The following WWOX variants were observed in gnomAD, a reference collection of about 807,000 sequenced individuals.
WWOX encodes the protein WW domain containing oxidoreductase.
In WWOX, 69 loss-of-function variants were observed where a neutral mutation model predicts 46.2. The ratio of observed to expected loss-of-function variants is 1.49; its 90% CI spans 1.23 to 1.82. The LOEUF (loss-of-function observed/expected upper bound fraction) is 1.82. Ranked by LOEUF, WWOX falls within the 40% of genes most tolerant of loss-of-function variation. The pLI is 0.00. For synonymous variants in WWOX, 359 were observed against 202.6 expected (o/e 1.77, Z -6.56); for missense variants, 919 against 542.6 (o/e 1.69, Z -6.89).
At chr16:79,063,540 C>T (rs2048390899) in intron 8 of WWOX, among the ~76,000 whole-genome samples, 1 of 152,178 alleles carries the variant, frequency 6.6e-6, no homozygotes. Flanking sequence ...GGGCCCCTTT[C>T]AGGGATATCT....
At chr16:78,304,494 A>G (rs1355365911) in intron 5 of WWOX, among the ~76,000 whole-genome samples, 1 of 152,228 alleles carries the variant, frequency 6.6e-6, no homozygotes, top group African/African-American at 2.4e-5. Context: ...CCATAGTGCT[A>G]GGGTGGGTCT....
chr16:78,842,716 T>A (rs567438337), intron 8 of WWOX, among the ~76,000 whole-genome samples: 1 of 151,898 alleles, frequency 6.6e-6, no homozygotes, highest in Admixed American at 6.6e-5. Context: ...GTAAAAAAAA[T>A]CAACTCACAC....
chr16:78,859,120 G>C (rs1398053988), intron 8 of WWOX, among the ~76,000 whole-genome samples: 1 of 141,512 alleles, frequency 7.1e-6, no homozygotes, highest in South Asian at 2.3e-4. Context: ...AATCGATGAA[G>C]TGGCTCCTTG....
chr16:78,926,244 C>T (rs2045494817), intron 8 of WWOX, among the ~76,000 whole-genome samples: 1 of 151,986 alleles, frequency 6.6e-6, no homozygotes, highest in East Asian at 1.9e-4. Flanking sequence ...ATGGTGGTGC[C>T]CACTTGTGGT....
At chr16:79,167,806 G>A (rs1014435534) in intron 8 of WWOX, among the ~76,000 whole-genome samples, 2 of 152,166 alleles carry the variant, frequency 1.3e-5, no homozygotes, top group Non-Finnish European at 2.9e-5. Flanking sequence ...GTGGCATTTA[G>A]TGAACTCAGT....
intron 8 of WWOX, among the ~76,000 whole-genome samples, chr16:78,950,548 A>ACC (rs1316267864): frequency 2.0e-5 from 3 of 151,630 alleles, no homozygotes; most frequent in African/African-American, 7.3e-5. Context: ...ACACACACAC[A>ACC]CACACACACA....
At chr16:78,365,017 G>A (rs576920419) in intron 5 of WWOX, among the ~76,000 whole-genome samples, 1 of 152,194 alleles carries the variant, frequency 6.6e-6, no homozygotes, top group African/African-American at 2.4e-5. Flanking sequence ...TATGGGTTGA[G>A]CTGTGGGTAA....
chr16:78,830,352 A>T (rs1379639014), intron 8 of WWOX, among the ~76,000 whole-genome samples: 1 of 152,152 alleles, frequency 6.6e-6, no homozygotes, highest in South Asian at 2.1e-4. Flanking sequence ...TATTATCATA[A>T]TGCCTACCTG....
At chr16:78,169,134 C>G (rs2035066486) in intron 5 of WWOX, among the ~76,000 whole-genome samples, 3 of 152,194 alleles carry the variant, frequency 2.0e-5, no homozygotes. Context: ...TGATCTACCT[C>G]ATTCACATCC....
intron 8 of WWOX, among the ~76,000 whole-genome samples, chr16:78,839,351 T>G (rs2151166782): frequency 6.6e-6 from 1 of 152,256 alleles, no homozygotes; most frequent in South Asian, 2.1e-4. Context: ...CTTGGTAATA[T>G]CCAACCTTTT....
chr16:78,697,489 C>G (rs1236176330), intron 8 of WWOX, among the ~76,000 whole-genome samples: 1 of 150,998 alleles, frequency 6.6e-6, no homozygotes, highest in Non-Finnish European at 1.5e-5. Context: ...GGGAGAAAAT[C>G]TATACAAATC....
chr16:78,516,653 AC>A (rs2043242089), intron 8 of WWOX, among the ~76,000 whole-genome samples: 1 of 152,038 alleles, frequency 6.6e-6, no homozygotes, highest in Non-Finnish European at 1.5e-5. Flanking sequence ...ATTCCTCTGT[AC>A]CCTTCACACG....
chr16:78,478,017 A>G (rs1203050001), intron 8 of WWOX, among the ~76,000 whole-genome samples: 5 of 152,194 alleles, frequency 3.3e-5, no homozygotes, highest in African/African-American at 9.6e-5. Context: ...AACATTTGTT[A>G]TTTTAAAAGC....
At chr16:79,023,009 G>C (rs1460277666) in intron 8 of WWOX, among the ~76,000 whole-genome samples, 2 of 151,950 alleles carry the variant, frequency 1.3e-5, no homozygotes, top group Non-Finnish European at 2.9e-5. Context: ...GCGTGGTACT[G>C]TGTATATAGC....
At chr16:78,395,404 A>C (rs1340921927) in intron 6 of WWOX, among the ~76,000 whole-genome samples, 1 of 152,326 alleles carries the variant, frequency 6.6e-6, no homozygotes, top group African/African-American at 2.4e-5. Flanking sequence ...CTGTAGTCCC[A>C]GCTGCTTGGG....
intron 8 of WWOX, among the ~76,000 whole-genome samples, chr16:78,863,964 A>G (rs1243109081): frequency 1.3e-5 from 2 of 152,184 alleles, no homozygotes; most frequent in East Asian, 3.8e-4. Context: ...ATTGCATTGT[A>G]TGGATATACC....
At chr16:78,279,439 A>G (rs931412680) in intron 5 of WWOX, among the ~76,000 whole-genome samples, 2 of 152,242 alleles carry the variant, frequency 1.3e-5, no homozygotes, top group African/African-American at 4.8e-5. Flanking sequence ...ATTATAAAAA[A>G]TAATTAATAA....
At chr16:78,420,513 T>A (rs1597207659) in intron 6 of WWOX, among the ~76,000 whole-genome samples, 1 of 152,174 alleles carries the variant, frequency 6.6e-6, no homozygotes, top group African/African-American at 2.4e-5. Flanking sequence ...CAGAAGCCAG[T>A]CACAAAAGAC....
At chr16:79,045,565 G>T (rs1029352195) in intron 8 of WWOX, among the ~76,000 whole-genome samples, 1 of 152,074 alleles carries the variant, frequency 6.6e-6, no homozygotes, top group Non-Finnish European at 1.5e-5. Context: ...AGAACACGGA[G>T]GCAGAATTTA....
Sources: allele counts gnomAD v4.1 joint callset (sites outside exome capture counted in the v4.1 genomes callset), GRCh38; gene constraint gnomAD v4.1.1; transcripts MANE v1.5; gene names NCBI Gene and HGNC (gene_info 2026-07-23, HGNC 2026-07-21).